The following SOD2 variants were observed in gnomAD, a reference collection of about 807,000 sequenced individuals.
SOD2 encodes superoxide dismutase [Mn], mitochondrial.
A neutral mutation model predicts 27.0 loss-of-function variants in SOD2; 11 were observed. The ratio of observed to expected loss-of-function variants is 0.41; its 90% CI spans 0.26 to 0.67. The LOEUF (loss-of-function observed/expected upper bound fraction) is 0.67. Ranked by LOEUF, SOD2 falls within the 30% of genes least tolerant of loss-of-function variation. The pLI, the probability that SOD2 is intolerant of heterozygous loss-of-function variation, is 0.34. For missense variants in SOD2, 250 were observed against 274.5 expected (o/e 0.91, Z 0.63); for synonymous variants, 105 against 103.0 (o/e 1.02, Z -0.12).
intron 1 of SOD2, among the ~76,000 whole-genome samples, chr6:159,723,175 C>T (rs1028358688): frequency 1.3e-5 from 2 of 152,218 alleles, no homozygotes; most frequent in Admixed American, 6.5e-5. Flanking sequence ...AGTTCTCAAT[C>T]GACTTTGCTT....
At chr6:159,720,810 A>ACC (rs893381527) in intron 1 of SOD2, among the ~76,000 whole-genome samples, 1 of 145,934 alleles carries the variant, frequency 6.9e-6, no homozygotes, top group Non-Finnish European at 1.5e-5. Flanking sequence ...AATGGTGACC[A>ACC]CCAGATGGCT....
chr6:159,706,104 G>C (rs1777621790), intron 1 of SOD2, among the ~76,000 whole-genome samples: 1 of 152,136 alleles, frequency 6.6e-6, no homozygotes, highest in Admixed American at 6.5e-5. Context: ...CCCTACAAGA[G>C]CTCCTGAAGG....
At position 159,687,981 on chromosome 6, in the gene SOD2, A is replaced by AG. The variant is rs1409648518; in HGVS notation, c.343+144dup. ...AGCCAAGACTGCGCCACTGTACTCC[A>AG]GCCTGGGCAACAAGAGCAAAACTCT... On this transcript the variant is annotated intron_variant, in intron 3 of 4. Transcript: ENST00000538183. The AG allele has an allele frequency of 1.8e-5, 11 of 613,810 alleles. No homozygotes were observed. The African/African-American group carries it at 1.9e-4, about 10-fold the overall frequency. The allele number at this position is 613,810 out of a possible 1,614,324, so 38.0% of individuals were successfully genotyped here.
rs79988672 is a variant in SOD2 at position 159,693,144 on chromosome 6, C to G, written c.23+1G>C. 6.5e-7 allele frequency: 1 copy of G among 1,534,464 alleles called. No individual in the cohort carries two copies. The highest frequency in any genetic ancestry group is 8.8e-7 in the Non-Finnish European group (1 of 1,140,474). On this transcript the variant is annotated splice_donor_variant, in intron 1 of 4. Coordinates refer to ENST00000538183, the MANE Select transcript of SOD2 (RefSeq NM_000636.4). LOFTEE classifies it high-confidence loss of function. ...CGTGACCGGGTCCCCTTTCTTCTCA[C>G]CCGCACACTGCCCGGCTCAACATGC...
chr6:159,748,899 A>G, upstream of SOD2: 1 of 1,179,892 alleles, frequency 8.5e-7, no homozygotes, highest in Non-Finnish European at 1.0e-6. The surrounding 1 kb of genome is among the most constrained non-coding windows in gnomAD (Gnocchi z 5.6). Context: ...GGACTTCATG[A>G]TTGTTGTTGA....
chr6:159,684,326 T>C (rs557133373), intron 4 of SOD2, among the ~76,000 whole-genome samples: 2 of 152,176 alleles, frequency 1.3e-5, no homozygotes, highest in African/African-American at 4.8e-5. Context: ...GGTTAATAAG[T>C]AAAACATTTG....
chr6:159,759,282 C>T (rs1168392786), intron 1 of SOD2, among the ~76,000 whole-genome samples: 2 of 150,250 alleles, frequency 1.3e-5, no homozygotes, highest in African/African-American at 2.4e-5. Flanking sequence ...AGGTCTTGAA[C>T]TCCCGACCTC....
intron 1 of SOD2, among the ~76,000 whole-genome samples, chr6:159,757,101 G>A (rs1048961550): frequency 1.5e-4 from 23 of 152,322 alleles, no homozygotes; most frequent in African/African-American, 5.3e-4. Flanking sequence ...GTGGAAGAAT[G>A]TCAAAATTTG....
upstream of SOD2, among the ~76,000 whole-genome samples, chr6:159,747,045 A>C (rs1448349563): frequency 6.6e-6 from 1 of 152,216 alleles, no homozygotes; most frequent in East Asian, 1.9e-4. Context: ...ATTTTTGCTC[A>C]GTGAAACAAA....
intron 1 of SOD2, among the ~76,000 whole-genome samples, chr6:159,722,078 GA>G (rs1210641322): frequency 6.7e-6 from 1 of 149,368 alleles, no homozygotes; most frequent in East Asian, 2.0e-4. Context: ...AAAAAAAAAA[GA>G]AAAAAAAAGC....
upstream of SOD2, among the ~76,000 whole-genome samples, chr6:159,694,744 C>T (rs941735282): frequency 2.0e-5 from 3 of 147,992 alleles, no homozygotes; most frequent in African/African-American, 7.5e-5. Flanking sequence ...TACAGGCGTG[C>T]ACCTCCACGC....
At chr6:159,724,029 G>A (rs1480644055) in intron 1 of SOD2, among the ~76,000 whole-genome samples, 3 of 152,006 alleles carry the variant, frequency 2.0e-5, no homozygotes, top group Non-Finnish European at 4.4e-5. Flanking sequence ...GATTACAGGT[G>A]TGTGCCACTG....
upstream of SOD2, among the ~76,000 whole-genome samples, chr6:159,728,834 T>A (rs1406297250): frequency 1.3e-5 from 2 of 152,218 alleles, no homozygotes; most frequent in Non-Finnish European, 2.9e-5. Flanking sequence ...TGTTAAGGTA[T>A]CTTAAGCAGA....
chr6:159,704,455 C>A (rs948243471), intron 1 of SOD2, among the ~76,000 whole-genome samples: 6 of 152,206 alleles, frequency 3.9e-5, no homozygotes, highest in African/African-American at 7.2e-5. Context: ...ATGGTCTTAG[C>A]AAACAGCACA....
At chr6:159,724,109 T>C (rs962103135) in intron 1 of SOD2, among the ~76,000 whole-genome samples, 1 of 152,160 alleles carries the variant, frequency 6.6e-6, no homozygotes, top group South Asian at 2.1e-4. Context: ...ATTCTTTATA[T>C]TAGTTTCCAC....
upstream of SOD2, among the ~76,000 whole-genome samples, chr6:159,746,084 A>G (rs531688264): frequency 6.6e-6 from 1 of 152,226 alleles, no homozygotes; most frequent in Non-Finnish European, 1.5e-5. Flanking sequence ...CCAAAATACA[A>G]AGTGATTAAA....
upstream of SOD2, chr6:159,748,696 G>A: frequency 7.2e-6 from 9 of 1,250,420 alleles, no homozygotes; most frequent in South Asian, 3.7e-5. The surrounding 1 kb of genome is among the most constrained non-coding windows in gnomAD (Gnocchi z 5.6). Context: ...GAAAATAGAG[G>A]GAGAAACAGA....
rs1318996042 is a variant in SOD2, at chr6:159,688,166, G to A, written c.303C>T (p.Phe101=). ...CACCGTTAGGGCTGAGGTTTGTCCA[G>A]AAAATGCTATGATTGATATGACCAC... ...NGGGHINHSI[F]WTNLSPNGGG... is the part of the protein sequence containing the mutation. Residue 101 remains phenylalanine (F), a synonymous_variant, in exon 3 of 5, where the codon TTC becomes TTT. Transcript: ENST00000538183. The A allele has an allele frequency of 6.2e-7, 1 of 1,613,762 alleles. No individual in the cohort carries two copies. The highest frequency in any genetic ancestry group is 1.1e-5 in the South Asian group (1 of 91,074).
At position 159,679,833 on chromosome 6, in the gene SOD2, G is replaced by T. The variant is rs560715553; in HGVS notation, c.*2660C>A. 1 of 152,100 alleles carries T rather than the reference G, an allele frequency of 6.6e-6. No individual in the cohort carries two copies. The highest frequency in any genetic ancestry group is 1.5e-5 in the Non-Finnish European group (1 of 68,034). 9.4% of individuals were successfully genotyped at this position (152,100 alleles called of 1,614,324 possible). On this transcript the variant is annotated 3_prime_UTR_variant, in exon 5 of 5. Coordinates refer to ENST00000538183, the MANE Select transcript of SOD2 (RefSeq NM_000636.4). ...TTTAGTAGAGACAGGGTTTCACCAC[G>T]TTGGCCACGCTGGTCTTGAACTCCT...
Sources: gnomAD v4.1 joint callset for allele counts (sites outside exome capture counted in the v4.1 genomes callset) on GRCh38, gnomAD v4.1.1 for gene constraint, Gnocchi (gnomAD v3.1) non-coding constraint, MANE v1.5 for transcripts, NCBI Gene and HGNC (gene_info 2026-07-23, HGNC 2026-07-21) for gene names.